The following RGL2 variants were observed in gnomAD, a reference collection of about 807,000 sequenced individuals.
RGL2 encodes ral guanine nucleotide dissociation stimulator-like 2.
In RGL2, 40 loss-of-function variants were observed where a neutral mutation model predicts 84.6. The ratio of observed to expected loss-of-function variants is 0.47; its 90% CI spans 0.37 to 0.62. The LOEUF (loss-of-function observed/expected upper bound fraction) is 0.62. Ranked by LOEUF, RGL2 falls within the 20% of genes least tolerant of loss-of-function variation. The probability of loss-of-function intolerance (pLI) is 0.00; values close to 1 mark genes in which losing one functional copy is unlikely to be tolerated. For missense variants in RGL2, 865 were observed against 1,019.7 expected (o/e 0.85, Z 2.07); for synonymous variants, 369 against 417.3 (o/e 0.88, Z 1.41).
At chr6:33,300,616 G>C (rs1445915402), upstream of RGL2, 2 of 150,462 alleles carry the variant, frequency 1.3e-5, no homozygotes, top group Non-Finnish European at 2.9e-5. Flanking sequence ...AGCCGAGATC[G>C]TGCCACTGCA....
Position 33,296,467 on chromosome 6 carries a change from G to A in RGL2, c.420-3C>T. The stretch of plus-strand genomic sequence containing the variant: ...GATGAGATTCAAGGGCTTCCAGCCT[G>A]AGGGGGAGAAGAGGATCTATCTGTC... On this transcript the variant is annotated splice_region_variant and splice_polypyrimidine_tract_variant and intron_variant, in intron 4 of 17. Coordinates refer to ENST00000497454, the MANE Select transcript of RGL2 (RefSeq NM_004761.5). This position sits in a 1 kb window ranked among gnomAD's most constrained non-coding sequence, Gnocchi z 5.0. 6.2e-7 allele frequency: 1 copy of A among 1,606,552 alleles called. No individual in the cohort carries two copies. Among genetic ancestry groups the A allele is most frequent in the Non-Finnish European group, 8.5e-7 (1 of 1,176,356 alleles).
Position 33,291,874 on chromosome 6 carries a change from T to G in RGL2, c.*228A>C. On this transcript the variant is annotated 3_prime_UTR_variant, in exon 18 of 18. Transcript: ENST00000497454. The stretch of plus-strand genomic sequence containing the variant: ...CAGCACTACCTGTGTGCTGCACTCA[T>G]GGAAGGTGGGAAGCTATACACAGGT... The G allele has an allele frequency of 1.7e-6, 1 of 603,746 alleles. No homozygotes were observed. Among genetic ancestry groups the G allele is most frequent in the East Asian group, 2.7e-5 (1 of 36,386 alleles). The allele number at this position is 603,746 out of a possible 1,614,324, so 37.4% of individuals were successfully genotyped here.
Position 33,291,694 on chromosome 6 carries a change from T to G in RGL2, c.*408A>C, listed in dbSNP as rs1348458191. 1 of 318,776 alleles carries G rather than the reference T, an allele frequency of 3.1e-6. No individual in the cohort carries two copies. The highest frequency in any genetic ancestry group is 2.2e-5 in the African/African-American group (1 of 45,384). 19.7% of individuals were successfully genotyped at this position (318,776 alleles called of 1,614,324 possible). On this transcript the variant is annotated 3_prime_UTR_variant, in exon 18 of 18. Transcript: ENST00000497454. ...GTTTTGGTTTATTATCTTAGTGTTGTCACAGTGATAGAAACCCCCAGAGTG... is the reference window on the plus strand; with the variant it reads ...GTTTTGGTTTATTATCTTAGTGTTGGCACAGTGATAGAAACCCCCAGAGTG...
rs1454090230 is a variant in RGL2 at position 33,295,092 on chromosome 6, A to G, written c.1209+35T>C. The G allele has an allele frequency of 6.3e-5, 100 of 1,598,134 alleles. No homozygotes were observed. The highest frequency in any genetic ancestry group is 8.4e-5 in the Non-Finnish European group (99 of 1,171,742). On this transcript the variant is annotated intron_variant, in intron 9 of 17. Transcript: ENST00000497454. This position sits in a 1 kb window ranked among gnomAD's most constrained non-coding sequence, Gnocchi z 7.2. ...AGACATGGGGGAGCAGTAGGGAACA[A>G]GGAGAGGTGGGAATGCCACAAACCA...
At position 33,295,805 on chromosome 6, in the gene RGL2, C is replaced by A; in HGVS notation, c.769-46G>T. ...GTTAAAGTTCATAGTCAAGTGAGGTCAGCCTTCCAATATCAGGGATCTGAG... is the reference window on the plus strand; with the variant it reads ...GTTAAAGTTCATAGTCAAGTGAGGTAAGCCTTCCAATATCAGGGATCTGAG... On this transcript the variant is annotated intron_variant, in intron 6 of 17. Transcript: ENST00000497454. The surrounding 1 kb of genome is among the most constrained non-coding windows in gnomAD (Gnocchi z 7.2). 1 of 1,583,866 alleles carries A rather than the reference C, an allele frequency of 6.3e-7. No homozygotes were observed. Among genetic ancestry groups the A allele is most frequent in the Non-Finnish European group, 8.6e-7 (1 of 1,160,594 alleles).
chr6:33,298,725 G>T lies in RGL2; in HGVS notation c.-41-74C>A. On this transcript the variant is annotated intron_variant, in intron 1 of 17. Coordinates refer to ENST00000497454, the MANE Select transcript of RGL2 (RefSeq NM_004761.5). The surrounding 1 kb of genome is among the most constrained non-coding windows in gnomAD (Gnocchi z 4.8). ...GGGAACCGGGCAGGGAAGGGACGTG[G>T]GTGGGTGTCAAGAAGACCGGAAGGG... 1 of 653,958 alleles carries T rather than the reference G, an allele frequency of 1.5e-6. No homozygotes were observed. Among genetic ancestry groups the T allele is most frequent in the Non-Finnish European group, 2.4e-6 (1 of 411,436 alleles). 40.5% of individuals were successfully genotyped at this position (653,958 alleles called of 1,614,324 possible).
In RGL2 at chr6:33,295,336, G is replaced by C. The variant is rs1246351653; in HGVS notation, c.1107C>G (p.Ala369=). The change falls in exon 8 of 18, where the codon GCC becomes GCG. Residue 369 remains alanine (A), a synonymous_variant. Transcript: ENST00000497454. The surrounding 1 kb of genome is among the most constrained non-coding windows in gnomAD (Gnocchi z 7.2). ...CTCCGCACCTGGTTGCTTCCCCCCA[G>C]GCTGCCCGAAGCCTGTGGATGGGGC... ...QSSPIHRLRA[A]WGEATRDSLR... The C allele has an allele frequency of 6.3e-7, 1 of 1,584,960 alleles. No homozygotes were observed. The highest frequency in any genetic ancestry group is 1.3e-5 in the African/African-American group (1 of 74,520).
rs934358220 is a variant in RGL2 at position 33,297,714 on chromosome 6, C to A, written c.157-599G>T. The A allele has an allele frequency of 6.6e-6, 1 of 152,494 alleles. No individual in the cohort carries two copies. Among genetic ancestry groups the A allele is most frequent in the Non-Finnish European group, 1.5e-5 (1 of 68,306 alleles). 9.4% of individuals were successfully genotyped at this position (152,494 alleles called of 1,614,324 possible). A position where few individuals can be genotyped will look rare whatever the true frequency, so the allele number is the denominator to read the frequency against. ...AAGTGGGATGATAGGGGGTTGGGGG[C>A]GGTAGACTCAGAGAGTCACGTGGCC... On this transcript the variant is annotated intron_variant, in intron 2 of 17. Transcript: ENST00000497454. This position sits in a 1 kb window ranked among gnomAD's most constrained non-coding sequence, Gnocchi z 4.0.
Position 33,292,001 on chromosome 6 carries a change from C to G in RGL2, c.*101G>C, listed in dbSNP as rs770185828. The G allele has an allele frequency of 2.2e-6, 3 of 1,335,480 alleles. No individual in the cohort carries two copies. Among genetic ancestry groups the G allele is most frequent in the Non-Finnish European group, 3.2e-6 (3 of 944,714 alleles). 82.7% of individuals were successfully genotyped at this position (1,335,480 alleles called of 1,614,324 possible). A position where few individuals can be genotyped will look rare whatever the true frequency, so the allele number is the denominator to read the frequency against. ...TGCCCCAGGGTGGCTGGCTCCCTTT[C>G]TGAATTTCTGTCTCAATGTGATATA... On this transcript the variant is annotated 3_prime_UTR_variant, in exon 18 of 18. Transcript: ENST00000497454.
rs1478066573 is a variant in RGL2 at position 33,292,236 on chromosome 6, G to A, written c.2200C>T (p.Arg734Ter). The A allele has an allele frequency of 2.4e-5, 39 of 1,614,162 alleles. No individual in the cohort carries two copies. Among genetic ancestry groups the A allele is most frequent in the Non-Finnish European group, 3.2e-5 (38 of 1,180,026 alleles). The change falls in exon 18 of 18, where the codon CGA (arginine) becomes TGA (stop). Residue 734 changes from arginine to a stop codon, truncating the protein, a stop_gained. Transcript: ENST00000497454. LOFTEE classifies it high-confidence loss of function. ...ASHDFLLRQR[R>*]RSSTATPGVT... ...CCAGGTGTAGCAGTAGAGGACCTTC[G>A]CCGCTGCCGCAGGAGGAAATCGTGT... is the stretch of plus-strand genomic sequence containing the variant.
rs367775598 is a variant in RGL2 at position 33,295,772 on chromosome 6, G to A, written c.769-13C>T. On this transcript the variant is annotated splice_polypyrimidine_tract_variant and intron_variant, in intron 6 of 17. Coordinates refer to ENST00000497454, the MANE Select transcript of RGL2 (RefSeq NM_004761.5). This position sits in a 1 kb window ranked among gnomAD's most constrained non-coding sequence, Gnocchi z 7.2. ...TGAGAAAAAGTTCCTGCAGGGTAGA[G>A]GTCAGAGGTTAAAGTTCATAGTCAA... 4.3e-6 allele frequency: 7 copies of A among 1,609,858 alleles called. No individual in the cohort carries two copies. The highest frequency in any genetic ancestry group is 5.9e-6 in the Non-Finnish European group (7 of 1,177,476).
chr6:33,295,314 C>G lies in RGL2; in HGVS notation c.1124+5G>C, dbSNP rs202209794. On this transcript the variant is annotated splice_donor_5th_base_variant and intron_variant, in intron 8 of 17. Coordinates refer to ENST00000497454, the MANE Select transcript of RGL2 (RefSeq NM_004761.5). This position sits in a 1 kb window ranked among gnomAD's most constrained non-coding sequence, Gnocchi z 7.2. ...CACCCCAGTCCAATGCCTCAGCCTC[C>G]GCACCTGGTTGCTTCCCCCCAGGCT... 4 of 1,567,512 alleles carry G rather than the reference C, an allele frequency of 2.6e-6. No individual in the cohort carries two copies. Among genetic ancestry groups the G allele is most frequent in the Non-Finnish European group, 2.6e-6 (3 of 1,156,100 alleles).
chr6:33,294,129 T>TATCCC lies in RGL2; in HGVS notation c.1354-68_1354-64dup. 1.3e-6 allele frequency: 2 copies of TATCCC among 1,562,016 alleles called. No homozygotes were observed. The highest frequency in any genetic ancestry group is 1.7e-6 in the Non-Finnish European group (2 of 1,148,544). On this transcript the variant is annotated intron_variant, in intron 11 of 17. Transcript: ENST00000497454. The surrounding 1 kb of genome is among the most constrained non-coding windows in gnomAD (Gnocchi z 5.0). ...CTACCTTCCGGCCACAGAGAGAGAA[T>TATCCC]ATCCCCTCTCTTAAACACACACAGC...
chr6:33,296,459 T>A lies in RGL2; in HGVS notation c.425A>T (p.Glu142Val). Residue 142 changes from glutamate (E) to valine (V), a missense_variant, in exon 5 of 18, where the codon GAA (glutamate) becomes GTA (valine). Glu to Val is a moderately radical substitution (Grantham distance 121). Transcript: ENST00000497454. This position sits in a 1 kb window ranked among gnomAD's most constrained non-coding sequence, Gnocchi z 5.0. ...ALLGLMADRL[E>V]ALESHPTDEL... is the part of the protein sequence containing the mutation. ...GTCGGTAGGATGAGATTCAAGGGCT[T>A]CCAGCCTGAGGGGGAGAAGAGGATC... The A allele has an allele frequency of 6.2e-7, 1 of 1,608,604 alleles. No homozygotes were observed. Among genetic ancestry groups the A allele is most frequent in the Non-Finnish European group, 8.5e-7 (1 of 1,177,290 alleles).
chr6:33,293,542 T>C lies in RGL2; in HGVS notation c.1605-18A>G. 1 of 1,613,100 alleles carries C rather than the reference T, an allele frequency of 6.2e-7. No homozygotes were observed. The highest frequency in any genetic ancestry group is 8.5e-7 in the Non-Finnish European group (1 of 1,179,454). On this transcript the variant is annotated intron_variant, in intron 14 of 17. Transcript: ENST00000497454. The surrounding 1 kb of genome is among the most constrained non-coding windows in gnomAD (Gnocchi z 7.0). ...CCAAAACCCTGCAGTGGCAGGAGATTGGGAGGATCAGAGAAAAGTGGAAGT... is the reference window on the plus strand; with the variant it reads ...CCAAAACCCTGCAGTGGCAGGAGATCGGGAGGATCAGAGAAAAGTGGAAGT...
chr6:33,300,687 C>G (rs1230744584), upstream of RGL2: 1 of 110,342 alleles, frequency 9.1e-6, no homozygotes, highest in Non-Finnish European at 1.8e-5. Flanking sequence ...TATTTGCAGC[C>G]GGGCGCGGTG....
chr6:33,295,880 G>C lies in RGL2; in HGVS notation c.769-121C>G, dbSNP rs1298302995. 10 of 1,440,822 alleles carry C rather than the reference G, an allele frequency of 6.9e-6. No homozygotes were observed. The highest frequency in any genetic ancestry group is 1.4e-5 in the African/African-American group (1 of 71,356). 89.3% of individuals were successfully genotyped at this position (1,440,822 alleles called of 1,614,324 possible). A position where few individuals can be genotyped will look rare whatever the true frequency, so the allele number is the denominator to read the frequency against. On this transcript the variant is annotated intron_variant, in intron 6 of 17. Coordinates refer to ENST00000497454, the MANE Select transcript of RGL2 (RefSeq NM_004761.5). This position sits in a 1 kb window ranked among gnomAD's most constrained non-coding sequence, Gnocchi z 7.2. ...AGGGGCACAGGGTTTGAAGGGTAAC[G>C]ACCAAAGGGAAAAGGGGAGAATCAA...
At position 33,296,787 on chromosome 6, in the gene RGL2, C is replaced by G; in HGVS notation, c.241-11G>C. The stretch of plus-strand genomic sequence containing the variant: ...GGGAGGCATAGGGACCTGGAGAACA[C>G]AGAGAGATGATCGCTAACCCTTTCT... On this transcript the variant is annotated splice_polypyrimidine_tract_variant and intron_variant, in intron 3 of 17. Transcript: ENST00000497454. This position sits in a 1 kb window ranked among gnomAD's most constrained non-coding sequence, Gnocchi z 5.0. The G allele has an allele frequency of 6.2e-7, 1 of 1,613,966 alleles. No individual in the cohort carries two copies. Among genetic ancestry groups the G allele is most frequent in the Non-Finnish European group, 8.5e-7 (1 of 1,179,992 alleles).
chr6:33,296,853 A>G lies in RGL2; in HGVS notation c.241-77T>C. 6.3e-7 allele frequency: 1 copy of G among 1,584,864 alleles called. No homozygotes were observed. Among genetic ancestry groups the G allele is most frequent in the Non-Finnish European group, 8.7e-7 (1 of 1,153,732 alleles). ...GATTTCTGAGGACAATCCCAGACCC[A>G]GGAGATGTTCCAGACTCATTTTTCT... On this transcript the variant is annotated intron_variant, in intron 3 of 17. Transcript: ENST00000497454. This position sits in a 1 kb window ranked among gnomAD's most constrained non-coding sequence, Gnocchi z 5.0.
Sources: allele counts gnomAD v4.1 joint callset, GRCh38; gene constraint gnomAD v4.1.1; non-coding constraint Gnocchi (gnomAD v3.1); transcripts MANE v1.5; gene names NCBI Gene and HGNC (gene_info 2026-07-23, HGNC 2026-07-21).